GYPB: variants seen among roughly 807,000 people sequenced by gnomAD.
GYPB encodes the protein glycophorin B (MNS blood group), also known as glycophorin-B.
A neutral mutation model predicts 15.3 loss-of-function variants in GYPB; 13 were observed. The ratio of observed to expected loss-of-function variants is 0.85; its 90% confidence interval spans 0.55 to 1.35. The LOEUF (loss-of-function observed/expected upper bound fraction) is 1.35, where lower values mean the gene tolerates loss of function less well. Ranked by LOEUF, GYPB falls within the 40% of genes most tolerant of loss-of-function variation. GYPB has a pLI of 0.00. For missense variants in GYPB, 131 were observed against 108.3 expected (o/e 1.21, Z -0.93); for synonymous variants, 38 against 36.9 (o/e 1.03, Z -0.11).
At chr4:144,017,939 T>C (rs188368940) in intron 1 of GYPB, among the ~76,000 whole-genome samples, 17 of 151,564 alleles carry the variant, frequency 1.1e-4, no homozygotes, top group African/African-American at 4.2e-4. Flanking sequence ...TTTCTTTCTG[T>C]AATTTTCTTG....
chr4:144,013,416 T>G (rs1010859918), intron 1 of GYPB, among the ~76,000 whole-genome samples: 7 of 151,352 alleles, frequency 4.6e-5, no homozygotes, highest in African/African-American at 1.7e-4. Context: ...ATCCAATTAC[T>G]GGGTATATAC....
In GYPB at chr4:144,003,987, G is replaced by A. The variant is rs138060348; in HGVS notation, c.38-2704C>T. On this transcript the variant is annotated intron_variant, in intron 1 of 4. Coordinates refer to ENST00000502664, the MANE Select transcript of GYPB (RefSeq NM_002100.6). Reference sequence around the variant, plus strand: ...TTTCTAACATTGAAGGTAACACATTGACACAATTTCCTCAATGTAAAATTG... The same window carrying A: ...TTTCTAACATTGAAGGTAACACATTAACACAATTTCCTCAATGTAAAATTG... Among the ~76,000 whole-genome samples, 265 of 151,528 alleles carry A rather than the reference G, an allele frequency of 1.7e-3. 13 individuals carry two copies. Among genetic ancestry groups the A allele is most frequent in the African/African-American group, 6.2e-3 (254 of 40,838 alleles).
At chr4:143,996,506 C>G (rs1391856299) in intron 4 of GYPB, among the ~76,000 whole-genome samples, 3 of 151,168 alleles carry the variant, frequency 2.0e-5, no homozygotes, top group Non-Finnish European at 4.4e-5. Flanking sequence ...TGGCTCACAC[C>G]TGTAATCCCA....
intron 1 of GYPB, among the ~76,000 whole-genome samples, chr4:144,016,231 G>T (rs564839180): frequency 2.7e-5 from 4 of 147,416 alleles, no homozygotes; most frequent in Admixed American, 6.8e-5. Flanking sequence ...GCAGGGGTAT[G>T]AGTCAGATGC....
chr4:144,001,139 A>G lies in GYPB; in HGVS notation c.136+46T>C, dbSNP rs780160849. On this transcript the variant is annotated intron_variant, in intron 2 of 4. Transcript: ENST00000502664. ...TCCCCTAAAATAGGGTTGCATCACAAAAATCATTTCGGAGCCACAATTTAA... is the reference window on the plus strand; with the variant it reads ...TCCCCTAAAATAGGGTTGCATCACAGAAATCATTTCGGAGCCACAATTTAA... 1.5e-5 allele frequency: 24 copies of G among 1,612,400 alleles called. No homozygotes were observed. The South Asian group carries it at 2.6e-4, about 18-fold the overall frequency.
Position 143,996,194 on chromosome 4 carries a change from AGG to A in GYPB, c.*103_*104del, listed in dbSNP as rs1455206492. ...ACAGGGAATTAGGATAGCCAGGGGT[AGG>A]GGCATAAGCAAAGGAATAGCAGGTG... On this transcript the variant is annotated 3_prime_UTR_variant, in exon 5 of 5. Transcript: ENST00000502664. 1.2e-5 allele frequency: 18 copies of A among 1,544,028 alleles called. No homozygotes were observed. The highest frequency in any genetic ancestry group is 1.4e-5 in the Non-Finnish European group (16 of 1,142,870).
intron 1 of GYPB, among the ~76,000 whole-genome samples, chr4:144,008,970 G>A (rs532839153): frequency 1.5e-4 from 22 of 151,438 alleles, no homozygotes; most frequent in East Asian, 1.9e-4. Flanking sequence ...TGGTTCTAGC[G>A]TCACCTTTAT....
intron 1 of GYPB, among the ~76,000 whole-genome samples, chr4:144,012,226 G>A (rs1162227880): frequency 2.0e-5 from 3 of 151,638 alleles, no homozygotes; most frequent in Non-Finnish European, 2.9e-5. Flanking sequence ...TAAGAGTAAC[G>A]GAGCCAATCC....
chr4:144,008,517 T>A, intron 1 of GYPB: 1 of 455,020 alleles, frequency 2.2e-6, no homozygotes, highest in South Asian at 1.5e-5. Context: ...TTAAGTTGAA[T>A]CTTAATTTTT....
At chr4:143,998,940 A>G (rs1579046691) in intron 3 of GYPB, among the ~76,000 whole-genome samples, 1 of 150,762 alleles carries the variant, frequency 6.6e-6, no homozygotes, top group Admixed American at 6.6e-5. Flanking sequence ...GGGTCTTACC[A>G]AGGCTAGAGT....
chr4:144,012,616 A>G (rs1328935958), intron 1 of GYPB: 13 of 151,666 alleles, frequency 8.6e-5, no homozygotes, highest in African/African-American at 3.2e-4. Context: ...TTTTGCCCCA[A>G]GAACAGACAT....
At chr4:144,006,678 G>A (rs1325904329) in intron 1 of GYPB, among the ~76,000 whole-genome samples, 1 of 151,974 alleles carries the variant, frequency 6.6e-6, no homozygotes, top group Non-Finnish European at 1.5e-5. Context: ...GCCTTATCTT[G>A]CATAAGCAAA....
At chr4:144,000,516 T>A (rs533167833) in intron 2 of GYPB, 1 of 525,110 alleles carries the variant, frequency 1.9e-6, no homozygotes, top group East Asian at 7.4e-5. Context: ...AAGAATGAGG[T>A]GACTGCGTGG....
chr4:143,999,525 T>G, intron 2 of GYPB, 76 bp from the exon 3 acceptor site: 1 of 778,434 alleles, frequency 1.3e-6, no homozygotes, highest in Non-Finnish European at 2.2e-6. Flanking sequence ...GGAATCAAAC[T>G]GTTCTGCGGG....
intron 1 of GYPB, among the ~76,000 whole-genome samples, chr4:144,018,408 TC>T (rs1728615408): frequency 6.6e-6 from 1 of 151,014 alleles, no homozygotes; most frequent in Admixed American, 6.6e-5. Context: ...GCTCAGTAGA[TC>T]CTTGATACTT....
In GYPB at chr4:143,997,618, T is replaced by G. The variant is rs1249682524; in HGVS notation, c.192A>C (p.Ile64=). The change falls in exon 4 of 5, where the codon ATA becomes ATC. Residue 64 remains isoleucine (I), a synonymous_variant. Transcript: ENST00000502664. ...RFTVPAPVVI[I]LIILCVMAGI... ...CAGCCATCACACACAAAATAATGAG[T>G]ATTATCACTACAGGAGCTAAAGAGA... 6.4e-7 allele frequency: 1 copy of G among 1,574,154 alleles called. No individual in the cohort carries two copies. The highest frequency in any genetic ancestry group is 1.7e-5 in the Admixed American group (1 of 59,878).
chr4:144,002,543 A>C, intron 1 of GYPB: 4 of 1,237,474 alleles, frequency 3.2e-6, no homozygotes, highest in Non-Finnish European at 4.2e-6. Context: ...TATGATAAAC[A>C]TCAGTACCCT....
In GYPB at chr4:144,015,500, A is replaced by G. The variant is rs1579071755; in HGVS notation, c.37+3751T>C. Among the ~76,000 whole-genome samples, 5 of 151,610 alleles carry G rather than the reference A, an allele frequency of 3.3e-5. 1 individual carries two copies. The highest frequency in any genetic ancestry group is 3.3e-4 in the Admixed American group (5 of 15,274). On this transcript the variant is annotated intron_variant, in intron 1 of 4. Coordinates refer to ENST00000502664, the MANE Select transcript of GYPB (RefSeq NM_002100.6). ...GTTGGTGTCAAAATATAATCTATAA[A>G]GATAACTTGGGGGAAATTCCCCAAA... is the stretch of plus-strand genomic sequence containing the variant.
chr4:143,999,943 C>T (rs1323627566), intron 2 of GYPB: 1 of 167,900 alleles, frequency 6.0e-6, no homozygotes, highest in Admixed American at 6.2e-5. Context: ...CCAATAGTCT[C>T]TCTGGATTCT....
Sources: gnomAD v4.1 joint callset for allele counts (sites outside exome capture counted in the v4.1 genomes callset) on GRCh38, gnomAD v4.1.1 for gene constraint, MANE v1.5 for transcripts, NCBI Gene and HGNC (gene_info 2026-07-23, HGNC 2026-07-21) for gene names.